CHST12: variants seen among roughly 807,000 people sequenced by gnomAD.
CHST12 encodes the protein carbohydrate (chondroitin 4) sulfotransferase 12.
CHST12 carries 23 observed loss-of-function variants against 27.9 expected under a neutral mutation model. The ratio of observed to expected loss-of-function variants is 0.82; its 90% CI spans 0.59 to 1.17. The LOEUF is 1.17. Ranked by LOEUF, CHST12 falls within the 50% of genes most tolerant of loss-of-function variation. The pLI is 0.00. For missense variants in CHST12, 682 were observed against 603.0 expected (o/e 1.13, Z -1.37); for synonymous variants, 322 against 273.0 (o/e 1.18, Z -1.77).
At position 2,432,551 on chromosome 7, in the gene CHST12, T is replaced by C. The variant is rs1256016627; in HGVS notation, c.-77-12T>C. On this transcript the variant is annotated splice_polypyrimidine_tract_variant and intron_variant, in intron 1 of 1. Transcript: ENST00000618655. ...ACCTCAGTCATTAACTAGTGTGTCA[T>C]TGCATCTGCAGGTTCCCAGCAGGAT... 7 of 1,400,818 alleles carry C rather than the reference T, an allele frequency of 5.0e-6. No individual in the cohort carries two copies. Among genetic ancestry groups the C allele is most frequent in the African/African-American group, 1.4e-5 (1 of 70,122 alleles). 86.8% of individuals were successfully genotyped at this position (1,400,818 alleles called of 1,614,324 possible).
intron 1 of CHST12, among the ~76,000 whole-genome samples, chr7:2,404,705 G>A (rs1781476900): frequency 6.6e-6 from 1 of 152,268 alleles, no homozygotes; most frequent in Non-Finnish European, 1.5e-5. Context: ...ATTGCTACAC[G>A]AAGGTGCAAC....
chr7:2,419,096 C>A (rs1781892178), intron 1 of CHST12, among the ~76,000 whole-genome samples: 1 of 152,210 alleles, frequency 6.6e-6, no homozygotes. Flanking sequence ...CCATGTCTGG[C>A]TGTCCAAACC....
At chr7:2,430,923 T>C (rs1308037610) in intron 1 of CHST12, among the ~76,000 whole-genome samples, 1 of 152,184 alleles carries the variant, frequency 6.6e-6, no homozygotes, top group Non-Finnish European at 1.5e-5. Context: ...TGAGGTTTGG[T>C]CTACCATGGT....
At chr7:2,426,679 TAACATACA>T in intron 1 of CHST12, among the ~76,000 whole-genome samples, 1 of 151,764 alleles carries the variant, frequency 6.6e-6, no homozygotes, top group Non-Finnish European at 1.5e-5. Context: ...TAAAAAAATA[TAACATACA>T]AGAGTGACAG....
rs1362474794 is a variant in CHST12, at chr7:2,432,965, G to A, written c.326G>A (p.Arg109His). 6 of 1,609,116 alleles carry A rather than the reference G, an allele frequency of 3.7e-6. No homozygotes were observed. The highest frequency in any genetic ancestry group is 5.1e-6 in the Non-Finnish European group (6 of 1,177,632). The change falls in exon 2 of 2, where the codon CGC becomes CAC. Residue 109 changes from arginine to histidine, a missense_variant. Physicochemically the swap from Arg to His is conservative, Grantham distance 29. Coordinates refer to ENST00000618655, the MANE Select transcript of CHST12 (RefSeq NM_018641.5). ...GTGAGAGGCTACGACTGGTCCCCGC[G>A]CGACGCCCGGCGCAGCCCAGACCAG... ...ESVRGYDWSP[R>H]DARRSPDQGR...
At chr7:2,410,010 T>C (rs1044644546) in intron 1 of CHST12, among the ~76,000 whole-genome samples, 1 of 152,134 alleles carries the variant, frequency 6.6e-6, no homozygotes, top group Non-Finnish European at 1.5e-5. Flanking sequence ...TGCAGTGATA[T>C]GATCTCATTG....
At position 2,446,347 on chromosome 7, in the gene CHST12, G is replaced by A. The variant is rs1782751211; in HGVS notation, c.*12463G>A. ...TCTCGGAGTGCTGGCCAGATTGGCAGAGGGGAGGAGAGAGGAAAAACCCAG... is the reference window on the plus strand; with the variant it reads ...TCTCGGAGTGCTGGCCAGATTGGCAAAGGGGAGGAGAGAGGAAAAACCCAG... On this transcript the variant is annotated 3_prime_UTR_variant, in exon 2 of 2. Coordinates refer to ENST00000618655, the MANE Select transcript of CHST12 (RefSeq NM_018641.5). The A allele has an allele frequency of 6.5e-6, 1 of 152,764 alleles. No individual in the cohort carries two copies. Among genetic ancestry groups the A allele is most frequent in the Admixed American group, 6.5e-5 (1 of 15,290 alleles). The allele number at this position is 152,764 out of a possible 1,614,324, so 9.5% of individuals were successfully genotyped here. A position where few individuals can be genotyped will look rare whatever the true frequency, so the allele number is the denominator to read the frequency against.
intron 1 of CHST12, among the ~76,000 whole-genome samples, chr7:2,406,779 G>T (rs1781538638): frequency 6.6e-6 from 1 of 152,126 alleles, no homozygotes; most frequent in South Asian, 2.1e-4. Context: ...AAGGCATCAA[G>T]CTTTAAAAAT....
chr7:2,437,218 C>G lies in CHST12; in HGVS notation c.*3334C>G, dbSNP rs1782494004. The G allele has an allele frequency of 6.6e-6, 1 of 152,266 alleles. No individual in the cohort carries two copies. The highest frequency in any genetic ancestry group is 1.5e-5 in the Non-Finnish European group (1 of 68,064). The allele number at this position is 152,266 out of a possible 1,614,324, so 9.4% of individuals were successfully genotyped here. On this transcript the variant is annotated 3_prime_UTR_variant, in exon 2 of 2. Coordinates refer to ENST00000618655, the MANE Select transcript of CHST12 (RefSeq NM_018641.5). ...ACTTTGAGCACAGTCATGAGAATGA[C>G]TTGGTTGGGTGCGGGGTGGTGTCAC...
chr7:2,426,535 A>G (rs1172004613), intron 1 of CHST12, among the ~76,000 whole-genome samples: 1 of 151,694 alleles, frequency 6.6e-6, no homozygotes, highest in Non-Finnish European at 1.5e-5. Flanking sequence ...TCTACTGATG[A>G]CGGGGCAGGG....
intron 1 of CHST12, among the ~76,000 whole-genome samples, chr7:2,420,467 A>G (rs1781941267): frequency 6.6e-6 from 1 of 152,100 alleles, no homozygotes; most frequent in South Asian, 2.1e-4. Flanking sequence ...GCTATTGTGA[A>G]TGATGCTGAC....
At chr7:2,426,008 C>G (rs1479949455) in intron 1 of CHST12, among the ~76,000 whole-genome samples, 1 of 151,800 alleles carries the variant, frequency 6.6e-6, no homozygotes, top group African/African-American at 2.4e-5. Context: ...AGGCTGGGGA[C>G]GACGGGGCTC....
chr7:2,424,972 G>GAGGTGGGCAGATCACTTGAGGTC (rs1189803495), intron 1 of CHST12, among the ~76,000 whole-genome samples: 1 of 152,110 alleles, frequency 6.6e-6, no homozygotes, highest in Non-Finnish European at 1.5e-5. Context: ...TTGGGAGGCC[G>GAGGTGGGCAGATCACTTGAGGTC]AGGTGGGCAG....
At chr7:2,414,939 G>C (rs2115398303) in intron 1 of CHST12, among the ~76,000 whole-genome samples, 1 of 152,252 alleles carries the variant, frequency 6.6e-6, no homozygotes, top group South Asian at 2.1e-4. Context: ...TCTCTTTTGG[G>C]ACTTTGTGCT....
At chr7:2,426,416 A>G (rs549712863) in intron 1 of CHST12, among the ~76,000 whole-genome samples, 9 of 152,250 alleles carry the variant, frequency 5.9e-5, no homozygotes, top group African/African-American at 2.2e-4. Flanking sequence ...GTAATTAAAC[A>G]TACACACCCC....
chr7:2,421,060 G>A (rs1781960244), intron 1 of CHST12, among the ~76,000 whole-genome samples: 1 of 150,106 alleles, frequency 6.7e-6, no homozygotes, highest in Non-Finnish European at 1.5e-5. Context: ...ATAATTCTGT[G>A]TTAATTTTTT....
At position 2,434,646 on chromosome 7, in the gene CHST12, G is replaced by T. The variant is rs377657907; in HGVS notation, c.*762G>T. On this transcript the variant is annotated 3_prime_UTR_variant, in exon 2 of 2. Coordinates refer to ENST00000618655, the MANE Select transcript of CHST12 (RefSeq NM_018641.5). ...TCGGGTGTGGTGGTGTGCACCTGTAGTCCCAGCTACTCAGGAGTTCTGAGA... is the reference window on the plus strand; with the variant it reads ...TCGGGTGTGGTGGTGTGCACCTGTATTCCCAGCTACTCAGGAGTTCTGAGA... 1 of 133,546 alleles carries T rather than the reference G, an allele frequency of 7.5e-6. No individual in the cohort carries two copies. Among genetic ancestry groups the T allele is most frequent in the South Asian group, 2.5e-4 (1 of 3,922 alleles). The allele number at this position is 133,546 out of a possible 1,614,324, so 8.3% of individuals were successfully genotyped here. A position where few individuals can be genotyped will look rare whatever the true frequency, so the allele number is the denominator to read the frequency against.
In CHST12 at chr7:2,444,054, G is replaced by A. The variant is rs916402926; in HGVS notation, c.*10170G>A. The A allele has an allele frequency of 3.9e-5, 6 of 151,908 alleles. No homozygotes were observed. Among genetic ancestry groups the A allele is most frequent in the African/African-American group, 1.5e-4 (6 of 41,364 alleles). 9.4% of individuals were successfully genotyped at this position (151,908 alleles called of 1,614,324 possible). A position where few individuals can be genotyped will look rare whatever the true frequency, so the allele number is the denominator to read the frequency against. ...AATCCCAGCACTTTGGGAGGCCGAG[G>A]CGGGCGGATCACGAGGTCAGGAGAT... is the stretch of plus-strand genomic sequence containing the variant. On this transcript the variant is annotated 3_prime_UTR_variant, in exon 2 of 2. Transcript: ENST00000618655.
intron 1 of CHST12, among the ~76,000 whole-genome samples, chr7:2,431,533 C>T (rs919128488): frequency 1.1e-4 from 17 of 152,192 alleles, no homozygotes; most frequent in Admixed American, 9.8e-4. Flanking sequence ...CCATCTCCTT[C>T]CACCTTGTGG....
Sources: allele counts gnomAD v4.1 joint callset (sites outside exome capture counted in the v4.1 genomes callset), GRCh38; gene constraint gnomAD v4.1.1; transcripts MANE v1.5; gene names NCBI Gene and HGNC (gene_info 2026-07-23, HGNC 2026-07-21).